The following F2 variants were observed in gnomAD, a reference collection of about 807,000 sequenced individuals.
F2 encodes the protein prothrombin.
Under a neutral mutation model 81.9 loss-of-function variants are expected in F2, and 34 were observed. The ratio of observed to expected loss-of-function variants is 0.42; its 90% CI spans 0.32 to 0.55. The LOEUF (loss-of-function observed/expected upper bound fraction) is 0.55. Among genes scored for constraint, F2 ranks in the 20% least tolerant of loss-of-function variants. The pLI is 0.18. For missense variants in F2, 630 were observed against 833.4 expected (o/e 0.76, Z 3.00); for synonymous variants, 296 against 326.4 (o/e 0.91, Z 1.01).
At chr11:46,738,154 A>C (rs1035629668) in intron 12 of F2, among the ~76,000 whole-genome samples, 4 of 151,648 alleles carry the variant, frequency 2.6e-5, no homozygotes, top group Non-Finnish European at 5.9e-5. Flanking sequence ...GCGCACACCA[A>C]CATGTCTGGC....
At chr11:46,720,206 C>CG in intron 2 of F2, 2 of 545,708 alleles carry the variant, frequency 3.7e-6, no homozygotes, top group East Asian at 3.2e-5. Flanking sequence ...CACAAGCCCC[C>CG]GGGCTCAAGA....
chr11:46,725,441 C>G (rs773779863), intron 6 of F2, among the ~76,000 whole-genome samples: 2 of 152,116 alleles, frequency 1.3e-5, no homozygotes, highest in Non-Finnish European at 2.9e-5. Context: ...CCCATACACA[C>G]GCACACACAT....
intron 12 of F2, among the ~76,000 whole-genome samples, chr11:46,729,984 C>T (rs536359958): frequency 1.3e-5 from 2 of 152,112 alleles, no homozygotes; most frequent in South Asian, 4.2e-4. Flanking sequence ...AACAGCAATC[C>T]CTGACCAGTG....
Position 46,723,169 on chromosome 11 carries a change from G to T in F2, c.317-11G>T. 6.2e-7 allele frequency: 1 copy of T among 1,612,660 alleles called. No homozygotes were observed. The highest frequency in any genetic ancestry group is 8.5e-7 in the Non-Finnish European group (1 of 1,178,892). Reference sequence around the variant, plus strand: ...CAGGCTCCAAGGCTGACCGGGGTGGGGTCTCCGCAGGTAACTGTGCTGAGG... The same window carrying T: ...CAGGCTCCAAGGCTGACCGGGGTGGTGTCTCCGCAGGTAACTGTGCTGAGG... On this transcript the variant is annotated splice_polypyrimidine_tract_variant and intron_variant, in intron 4 of 13. Transcript: ENST00000311907. The surrounding 1 kb of genome is among the most constrained non-coding windows in gnomAD (Gnocchi z 5.6).
At chr11:46,722,595 T>C (rs1414102246) in intron 4 of F2, among the ~76,000 whole-genome samples, 1 of 152,060 alleles carries the variant, frequency 6.6e-6, no homozygotes, top group East Asian at 1.9e-4. Context: ...TCAAAATACA[T>C]AAATAAAAAT....
rs924364219 is a variant in F2 at position 46,719,506 on chromosome 11, G to C, written c.79+192G>C. The C allele has an allele frequency of 1.1e-6, 1 of 936,768 alleles. No individual in the cohort carries two copies. The allele number at this position is 936,768 out of a possible 1,614,324, so 58.0% of individuals were successfully genotyped here. On this transcript the variant is annotated intron_variant, in intron 1 of 13. Transcript: ENST00000311907. This position sits in a 1 kb window ranked among gnomAD's most constrained non-coding sequence, Gnocchi z 4.7. ...GGCTGCTTCTCTCTTCCAATATAGG[G>C]AGCAGGCTGGGGGCAAGGGGCAGTG... is the stretch of plus-strand genomic sequence containing the variant.
chr11:46,728,023 C>T lies in F2; in HGVS notation c.1158C>T (p.Pro386=), dbSNP rs760152916. The part of the protein sequence containing the change: ...PWQVMLFRKS[P]QELLCGASLI... The stretch of plus-strand genomic sequence containing the variant: ...AGGTGATGCTTTTCCGGAAGAGTCC[C>T]CAGGAGCTGCTGTGTGGGGCCAGCC... The change falls in exon 10 of 14, where the codon CCC becomes CCT. Residue 386 remains proline, a synonymous_variant. Transcript: ENST00000311907. The surrounding 1 kb of genome is among the most constrained non-coding windows in gnomAD (Gnocchi z 5.1). 2 of 1,610,930 alleles carry T rather than the reference C, an allele frequency of 1.2e-6. No individual in the cohort carries two copies. The highest frequency in any genetic ancestry group is 1.7e-6 in the Non-Finnish European group (2 of 1,179,056).
intron 12 of F2, among the ~76,000 whole-genome samples, chr11:46,738,346 G>A (rs1298855837): frequency 6.6e-6 from 1 of 152,070 alleles, no homozygotes; most frequent in African/African-American, 2.4e-5. Flanking sequence ...GTGTTGTTCT[G>A]TATTGTTTGT....
chr11:46,731,106 A>C (rs950564447), intron 12 of F2, among the ~76,000 whole-genome samples: 7 of 152,108 alleles, frequency 4.6e-5, no homozygotes, highest in African/African-American at 7.2e-5. Context: ...TAGTAGAGAC[A>C]GGGTTTCACC....
intron 6 of F2, among the ~76,000 whole-genome samples, chr11:46,725,214 A>G (rs2064864346): frequency 6.7e-6 from 1 of 149,888 alleles, no homozygotes; most frequent in Non-Finnish European, 1.5e-5. Flanking sequence ...GATTACAGGC[A>G]CACGCCACCA....
In F2 at chr11:46,726,507, T is replaced by A. The variant is rs2064874195; in HGVS notation, c.884T>A (p.Val295Glu). ...YCDLNYCEEA[V>E]EEETGDGLDE... is the part of the protein sequence containing the mutation. ...GCCTGGGTCCCAACAGAGGAGGCCG[T>A]GGAGGAGGAGACAGGAGATGGGCTG... The change falls in exon 8 of 14, where the codon GTG (valine) becomes GAG (glutamate). Residue 295 changes from valine (V) to glutamate (E), a missense_variant. Physicochemically the swap from Val to Glu is moderately radical, Grantham distance 121. Coordinates refer to ENST00000311907, the MANE Select transcript of F2 (RefSeq NM_000506.5). This position sits in a 1 kb window ranked among gnomAD's most constrained non-coding sequence, Gnocchi z 5.9. 6.2e-7 allele frequency: 1 copy of A among 1,613,490 alleles called. No individual in the cohort carries two copies. The highest frequency in any genetic ancestry group is 8.5e-7 in the Non-Finnish European group (1 of 1,179,804).
intron 12 of F2, among the ~76,000 whole-genome samples, chr11:46,730,160 C>T (rs1350160538): frequency 1.3e-5 from 2 of 152,058 alleles, no homozygotes; most frequent in Non-Finnish European, 2.9e-5. Context: ...ATTAGCTGGT[C>T]ATGGTGACGC....
intron 12 of F2, among the ~76,000 whole-genome samples, chr11:46,732,735 C>T (rs961655337): frequency 3.3e-5 from 5 of 152,158 alleles, no homozygotes; most frequent in African/African-American, 1.2e-4. Flanking sequence ...TTCTGATGCT[C>T]AGATGATCCC....
chr11:46,726,780 C>A lies in F2; in HGVS notation c.1073C>A (p.Ser358Tyr). 1.2e-6 allele frequency: 2 copies of A among 1,614,218 alleles called. No homozygotes were observed. The highest frequency in any genetic ancestry group is 1.7e-6 in the Non-Finnish European group (2 of 1,180,030). The change falls in exon 9 of 14, where the codon TCC (serine) becomes TAC (tyrosine). Residue 358 changes from serine to tyrosine, a missense_variant. Coordinates refer to ENST00000311907, the MANE Select transcript of F2 (RefSeq NM_000506.5). The surrounding 1 kb of genome is among the most constrained non-coding windows in gnomAD (Gnocchi z 5.9). ...AAAACCGAAAGAGAGCTCCTGGAAT[C>A]CTACATCGACGGGCGCATTGTGGAG... is the stretch of plus-strand genomic sequence containing the variant. ...EDKTERELLE[S>Y]YIDGRIVEGS...
Position 46,720,563 on chromosome 11 carries a change from G to T in F2, c.265+16G>T. ...AAGTACACAGGTGAGCACCGGGAAG[G>T]ATTTGCCCCAGGAAGGGAGGCCTGG... On this transcript the variant is annotated intron_variant, in intron 3 of 13. Coordinates refer to ENST00000311907, the MANE Select transcript of F2 (RefSeq NM_000506.5). 1 of 1,614,074 alleles carries T rather than the reference G, an allele frequency of 6.2e-7. No homozygotes were observed. Among genetic ancestry groups the T allele is most frequent in the Non-Finnish European group, 8.5e-7 (1 of 1,179,996 alleles).
intron 12 of F2, among the ~76,000 whole-genome samples, chr11:46,736,189 G>A (rs1230898962): frequency 3.9e-5 from 6 of 152,204 alleles, no homozygotes; most frequent in East Asian, 3.8e-4. Flanking sequence ...GCAACAGAGC[G>A]AGACTCTATC....
chr11:46,725,825 T>A, intron 6 of F2, 34 bp from the exon 7 acceptor site: 1 of 1,609,908 alleles, frequency 6.2e-7, no homozygotes, highest in East Asian at 2.2e-5. Context: ...GTGGTCTCAC[T>A]CACTCTGCTG....
Position 46,726,229 on chromosome 11 carries a change from C to T in F2, c.874+56C>T, listed in dbSNP as rs2064872062. ...CAGGGACAAATCCTGGTGGGAATAACAACAGCCGCTTCTGCTTATCGAACG... is the reference window on the plus strand; with the variant it reads ...CAGGGACAAATCCTGGTGGGAATAATAACAGCCGCTTCTGCTTATCGAACG... On this transcript the variant is annotated intron_variant, in intron 7 of 13. Coordinates refer to ENST00000311907, the MANE Select transcript of F2 (RefSeq NM_000506.5). The surrounding 1 kb of genome is among the most constrained non-coding windows in gnomAD (Gnocchi z 5.9). 3 of 1,598,978 alleles carry T rather than the reference C, an allele frequency of 1.9e-6. No homozygotes were observed. The highest frequency in any genetic ancestry group is 1.7e-5 in the Admixed American group (1 of 59,834).
chr11:46,723,756 G>A lies in F2; in HGVS notation c.559+238G>A, dbSNP rs2064854360. ...AAATACAAAAATTGCCAGGCGTGGT[G>A]GTGGGCGCCTGTAATCCCAACTACT... On this transcript the variant is annotated intron_variant, in intron 6 of 13. Transcript: ENST00000311907. The surrounding 1 kb of genome is among the most constrained non-coding windows in gnomAD (Gnocchi z 5.6). Among the ~76,000 whole-genome samples the A allele has an allele frequency of 6.6e-6, 1 of 152,190 alleles. No homozygotes were observed. Among genetic ancestry groups the A allele is most frequent in the Non-Finnish European group, 1.5e-5 (1 of 68,040 alleles).
Sources: allele counts gnomAD v4.1 joint callset (sites outside exome capture counted in the v4.1 genomes callset), GRCh38; gene constraint gnomAD v4.1.1; non-coding constraint Gnocchi (gnomAD v3.1); transcripts MANE v1.5; gene names NCBI Gene and HGNC (gene_info 2026-07-23, HGNC 2026-07-21).